The following BCL10 variants were observed in gnomAD, a reference collection of about 807,000 sequenced individuals.
BCL10 encodes B-cell lymphoma/leukemia 10.
Under a neutral mutation model 19.2 loss-of-function variants are expected in BCL10, and 5 were observed. That is an observed-to-expected ratio of 0.26 (90% confidence interval 0.14 to 0.55). The LOEUF is 0.55. Ranked by LOEUF, BCL10 falls within the 20% of genes least tolerant of loss-of-function variation. The pLI, the probability that BCL10 is intolerant of heterozygous loss-of-function variation, is 0.94. For missense variants in BCL10, 201 were observed against 271.9 expected (o/e 0.74, Z 1.83); for synonymous variants, 110 against 98.8 (o/e 1.11, Z -0.67).
At chr1:85,268,496 A>G (rs557635033) in intron 2 of BCL10, among the ~76,000 whole-genome samples, 5 of 152,276 alleles carry the variant, frequency 3.3e-5, no homozygotes, top group African/African-American at 1.2e-4. Flanking sequence ...AGGGCGGGGC[A>G]TGGTGGCTCA....
Position 85,267,477 on chromosome 1 carries a change from A to T in BCL10, c.*150T>A. ...AGCTATCCTAGAAGTATGCTTTTTT[A>T]ATTCTAAAAATCCTATTTACAAAGT... On this transcript the variant is annotated 3_prime_UTR_variant, in exon 3 of 3. Coordinates refer to ENST00000648566, the MANE Select transcript of BCL10 (RefSeq NM_003921.5). 1.6e-6 allele frequency: 1 copy of T among 626,864 alleles called. No homozygotes were observed. Among genetic ancestry groups the T allele is most frequent in the Non-Finnish European group, 2.6e-6 (1 of 383,424 alleles). The allele number at this position is 626,864 out of a possible 1,614,324, so 38.8% of individuals were successfully genotyped here. A position where few individuals can be genotyped will look rare whatever the true frequency, so the allele number is the denominator to read the frequency against.
rs1251808483 is a variant in BCL10 at position 85,266,260 on chromosome 1, A to T, written c.*1367T>A. ...AAATAGCACTCACTACTTTAAAAAA[A>T]TTTTATTGTTGATAGCAAAATTTCC... is the stretch of plus-strand genomic sequence containing the variant. On this transcript the variant is annotated 3_prime_UTR_variant, in exon 3 of 3. Transcript: ENST00000648566. 2.1e-5 allele frequency: 4 copies of T among 186,162 alleles called. No individual in the cohort carries two copies. Among genetic ancestry groups the T allele is most frequent in the African/African-American group, 7.0e-5 (3 of 42,722 alleles). The allele number at this position is 186,162 out of a possible 1,614,324, so 11.5% of individuals were successfully genotyped here. A position where few individuals can be genotyped will look rare whatever the true frequency, so the allele number is the denominator to read the frequency against.
intron 1 of BCL10, among the ~76,000 whole-genome samples, chr1:85,274,289 C>G (rs535337080): frequency 2.6e-5 from 4 of 152,274 alleles, no homozygotes; most frequent in African/African-American, 9.6e-5. Flanking sequence ...ACTAGGGCAC[C>G]AAGTAGTTAA....
At chr1:85,269,785 T>C (rs377617792) in intron 2 of BCL10, among the ~76,000 whole-genome samples, 10 of 152,366 alleles carry the variant, frequency 6.6e-5, no homozygotes, top group Admixed American at 2.0e-4. Context: ...AATATTCCAA[T>C]CAGTGAGTGT....
At chr1:85,268,585 T>G (rs1272139825) in intron 2 of BCL10, among the ~76,000 whole-genome samples, 1 of 152,010 alleles carries the variant, frequency 6.6e-6, no homozygotes, top group Non-Finnish European at 1.5e-5. Context: ...CTGGCCAACA[T>G]GGCGAAACCC....
intron 2 of BCL10, among the ~76,000 whole-genome samples, chr1:85,269,716 C>G (rs756857123): frequency 4.6e-5 from 7 of 152,180 alleles, no homozygotes; most frequent in Non-Finnish European, 8.8e-5. Flanking sequence ...TGGAGAGAGA[C>G]AGTGAGGAAC....
chr1:85,267,691 CCTT>C lies in BCL10; in HGVS notation c.635_637del (p.Glu212del), dbSNP rs587776637. ...CATCTCACTAGAGTTTGCACAAGTTCCTTCTTCTTCTAACTGTAGATCTGGTGG... is the reference window on the plus strand; with the variant it reads ...CATCTCACTAGAGTTTGCACAAGTTCCTTCTTCTAACTGTAGATCTGGTGG... On this transcript the variant is annotated inframe_deletion, in exon 3 of 3. Transcript: ENST00000648566. 5.6e-6 allele frequency: 9 copies of C among 1,613,908 alleles called. No homozygotes were observed. In the South Asian group the frequency reaches 6.6e-5, roughly 12 times the overall value.
chr1:85,269,979 G>A (rs1036544604), intron 2 of BCL10, among the ~76,000 whole-genome samples: 6 of 152,212 alleles, frequency 3.9e-5, no homozygotes, highest in Non-Finnish European at 8.8e-5. Context: ...AACTAGCAGA[G>A]TTGGACTTTT....
chr1:85,270,634 T>G lies in BCL10; in HGVS notation c.330A>C (p.Lys110Asn). 1 of 1,601,562 alleles carries G rather than the reference T, an allele frequency of 6.2e-7. No homozygotes were observed. Among genetic ancestry groups the G allele is most frequent in the Non-Finnish European group, 8.5e-7 (1 of 1,175,790 alleles). ...TDEVLKLRNI[K>N]LEHLKGLKCS... Reference sequence around the variant, plus strand: ...ATATCTTACCTTTCAGATGTTCTAGTTTTATATTTCTAAGTTTCAGCACTT... The same window carrying G: ...ATATCTTACCTTTCAGATGTTCTAGGTTTATATTTCTAAGTTTCAGCACTT... The change falls in exon 2 of 3, where the codon AAA becomes AAC. Residue 110 changes from lysine (K) to asparagine (N), a missense_variant. Physicochemically the swap from Lys to Asn is moderately conservative, Grantham distance 94. This residue lies in a region of BCL10 where 51 missense variants were observed against 118.8 expected (regional missense o/e 0.43). Coordinates refer to ENST00000648566, the MANE Select transcript of BCL10 (RefSeq NM_003921.5).
Position 85,267,167 on chromosome 1 carries a change from T to G in BCL10, c.*460A>C, listed in dbSNP as rs1660223019. 2 of 198,642 alleles carry G rather than the reference T, an allele frequency of 1.0e-5. No homozygotes were observed. Among genetic ancestry groups the G allele is most frequent in the Admixed American group, 6.0e-5 (1 of 16,594 alleles). The allele number at this position is 198,642 out of a possible 1,614,324, so 12.3% of individuals were successfully genotyped here. Reference sequence around the variant, plus strand: ...AAAAGAGATTTTTATTTTTCTATATTGGCAGTTTTCCCATCAGTGACCGGT... The same window carrying G: ...AAAAGAGATTTTTATTTTTCTATATGGGCAGTTTTCCCATCAGTGACCGGT... On this transcript the variant is annotated 3_prime_UTR_variant, in exon 3 of 3. Coordinates refer to ENST00000648566, the MANE Select transcript of BCL10 (RefSeq NM_003921.5).
chr1:85,276,146 G>T, intron 1 of BCL10, 150 bp downstream of exon 1: 1 of 912,132 alleles, frequency 1.1e-6, no homozygotes, highest in Non-Finnish European at 1.7e-6. Flanking sequence ...TCCCTCGGAT[G>T]CAGGGCTCGC....
rs1660177842 is a variant in BCL10, at chr1:85,265,906, AG to A, written c.*1720del. 6.6e-6 allele frequency among the ~76,000 whole-genome samples: 1 copy of A among 151,944 alleles called. No homozygotes were observed. The highest frequency in any genetic ancestry group is 1.5e-5 in the Non-Finnish European group (1 of 67,870). On this transcript the variant is annotated 3_prime_UTR_variant, in exon 3 of 3. Transcript: ENST00000648566. ...ATAATCTTTGATTCAATTTTTAAAA[AG>A]GTGTCCACAAATTTAATTTTAAAGT...
Position 85,266,465 on chromosome 1 carries a change from T to C in BCL10, c.*1162A>G, listed in dbSNP as rs183589509. The C allele has an allele frequency of 3.7e-5, 7 of 190,886 alleles. No individual in the cohort carries two copies. The highest frequency in any genetic ancestry group is 9.3e-5 in the African/African-American group (4 of 43,078). The allele number at this position is 190,886 out of a possible 1,614,324, so 11.8% of individuals were successfully genotyped here. The stretch of plus-strand genomic sequence containing the variant: ...CTGGCTAATGGCCCACTTGTTCAAA[T>C]AGCATTAAAAACAGAATTGTCACAC... On this transcript the variant is annotated 3_prime_UTR_variant, in exon 3 of 3. Transcript: ENST00000648566.
chr1:85,270,001 C>G (rs1261649507), intron 2 of BCL10, among the ~76,000 whole-genome samples: 1 of 152,196 alleles, frequency 6.6e-6, no homozygotes, highest in Non-Finnish European at 1.5e-5. Flanking sequence ...CAATACTTTG[C>G]CTAAATACTG....
chr1:85,266,532 G>C lies in BCL10; in HGVS notation c.*1095C>G, dbSNP rs1356711061. 5.4e-6 allele frequency: 1 copy of C among 185,258 alleles called. No homozygotes were observed. Among genetic ancestry groups the C allele is most frequent in the African/African-American group, 2.3e-5 (1 of 42,618 alleles). The allele number at this position is 185,258 out of a possible 1,614,324, so 11.5% of individuals were successfully genotyped here. On this transcript the variant is annotated 3_prime_UTR_variant, in exon 3 of 3. Transcript: ENST00000648566. ...GTTCCAGTTATTTCAACTGTACATT[G>C]GTCCTCATTAAAAGAGAATGAAAAG...
intron 1 of BCL10, among the ~76,000 whole-genome samples, chr1:85,272,341 C>A (rs1053864142): frequency 3.3e-5 from 5 of 152,014 alleles, no homozygotes; most frequent in Admixed American, 6.6e-5. Flanking sequence ...AAGTGATCCC[C>A]ATCTTAGCCT....
intron 2 of BCL10, 127 bp downstream of exon 2, chr1:85,270,490 CT>C (rs1388126610): frequency 6.0e-6 from 5 of 831,548 alleles, no homozygotes; most frequent in Non-Finnish European, 9.2e-6. Context: ...CCAGGCTGGT[CT>C]CAAAACTCCT....
intron 2 of BCL10, 117 bp downstream of exon 2, chr1:85,270,501 T>A: frequency 1.1e-6 from 1 of 930,128 alleles, no homozygotes. Flanking sequence ...TCAAAACTCC[T>A]GACCTCAAGC....
chr1:85,275,738 A>T (rs1484292103), intron 1 of BCL10, among the ~76,000 whole-genome samples: 1 of 152,184 alleles, frequency 6.6e-6, no homozygotes, highest in Non-Finnish European at 1.5e-5. Flanking sequence ...CCTGTACATT[A>T]ATTCTCAGCT....
Sources: allele counts gnomAD v4.1 joint callset (sites outside exome capture counted in the v4.1 genomes callset), GRCh38; gene constraint gnomAD v4.1.1; regional missense constraint gnomAD v4.1.1; transcripts MANE v1.5; gene names NCBI Gene and HGNC (gene_info 2026-07-23, HGNC 2026-07-21).